The following STK40 variants were observed in gnomAD, a reference collection of about 807,000 sequenced individuals.
STK40 encodes serine/threonine-protein kinase 40.
Under a neutral mutation model 47.9 loss-of-function variants are expected in STK40, and 13 were observed. That is an observed-to-expected ratio of 0.27 (90% CI 0.18 to 0.43). STK40 has a LOEUF of 0.43. STK40 is among the 20% of genes least tolerant of loss of function. The pLI, the probability that STK40 is intolerant of heterozygous loss-of-function variation, is 1.00. For synonymous variants in STK40, 225 were observed against 243.2 expected (o/e 0.93, Z 0.69); for missense variants, 460 against 595.1 (o/e 0.77, Z 2.36).
intron 7 of STK40, among the ~76,000 whole-genome samples, 185 bp downstream of exon 7, chr1:36,348,515 G>A (rs1441298685): frequency 6.6e-6 from 1 of 152,214 alleles, no homozygotes; most frequent in Non-Finnish European, 1.5e-5. Flanking sequence ...ATGCATTCAT[G>A]TTATCATTAC....
In STK40 at chr1:36,366,368, T is replaced by C. The variant is rs561818091; in HGVS notation, c.-8-5028A>G. Among the ~76,000 whole-genome samples the C allele has an allele frequency of 4.3e-4, 66 of 152,248 alleles. 1 individual carries two copies. In the South Asian group the frequency reaches 0.013, roughly 30 times the overall value. ...CGCGCAGGGAGATGAAAAAGATGCT[T>C]GTGGGGGAAGAGGGAGCAAGGCTGC... On this transcript the variant is annotated intron_variant, in intron 1 of 10. Transcript: ENST00000373132.
chr1:36,384,709 A>G (rs1229828193), intron 1 of STK40, among the ~76,000 whole-genome samples: 1 of 152,220 alleles, frequency 6.6e-6, no homozygotes, highest in Admixed American at 6.5e-5. Context: ...TGAATGAATG[A>G]ATGAATGAGG....
intron 1 of STK40, among the ~76,000 whole-genome samples, chr1:36,376,730 A>G (rs888181374): frequency 1.3e-5 from 2 of 152,230 alleles, no homozygotes; most frequent in Non-Finnish European, 2.9e-5. Flanking sequence ...GAATATATGT[A>G]CAACATAATC....
chr1:36,385,570 C>A (rs1570474563), intron 1 of STK40, among the ~76,000 whole-genome samples, 153 bp downstream of exon 1: 1 of 152,242 alleles, frequency 6.6e-6, no homozygotes, highest in African/African-American at 2.4e-5. Context: ...AGGGCAGAGC[C>A]CCAGCGGAGG....
chr1:36,358,502 C>G, intron 3 of STK40, 120 bp from the exon 4 acceptor site: 2 of 1,359,130 alleles, frequency 1.5e-6, no homozygotes, highest in Non-Finnish European at 2.0e-6. Context: ...AATGCACACA[C>G]AAACACACCA....
intron 9 of STK40, 119 bp from the exon 10 acceptor site, chr1:36,343,567 G>A (rs1292679825): frequency 9.4e-7 from 1 of 1,069,282 alleles, no homozygotes. Context: ...GCTTCTCTGA[G>A]CCTCAGTTTT....
intron 1 of STK40, among the ~76,000 whole-genome samples, chr1:36,365,390 C>A (rs187274898): frequency 6.6e-6 from 1 of 152,196 alleles, no homozygotes; most frequent in East Asian, 1.9e-4. Context: ...CTACCAGGCT[C>A]CCAATTTGTT....
chr1:36,349,106 C>T (rs1646729381), intron 6 of STK40, among the ~76,000 whole-genome samples: 1 of 152,244 alleles, frequency 6.6e-6, no homozygotes, highest in South Asian at 2.1e-4. Context: ...CGGGCTGAAT[C>T]TCGGGGTACA....
At chr1:36,379,965 A>C (rs1247972963) in intron 1 of STK40, among the ~76,000 whole-genome samples, 15 of 152,218 alleles carry the variant, frequency 9.9e-5, no homozygotes, top group Admixed American at 9.8e-4. Flanking sequence ...TGCAGAAAAT[A>C]ACCCAAGTGT....
chr1:36,354,245 G>T (rs1344973597), intron 6 of STK40, 119 bp downstream of exon 6: 4 of 1,063,698 alleles, frequency 3.8e-6, no homozygotes, highest in Admixed American at 3.7e-5. Context: ...ATTCCTGGAG[G>T]AAGTGGGTTG....
chr1:36,340,919 A>G lies in STK40; in HGVS notation c.*836T>C. 6.6e-6 allele frequency: 1 copy of G among 152,300 alleles called. No individual in the cohort carries two copies. The highest frequency in any genetic ancestry group is 1.9e-4 in the East Asian group (1 of 5,178). 9.4% of individuals were successfully genotyped at this position (152,300 alleles called of 1,614,324 possible). ...AGCTCAGTACCACGGGGAAGGATAG[A>G]GAAGGGAACAGGTTAACGCGCGTGT... is the stretch of plus-strand genomic sequence containing the variant. On this transcript the variant is annotated 3_prime_UTR_variant, in exon 11 of 11. Coordinates refer to ENST00000373132, the MANE Select transcript of STK40 (RefSeq NM_001282547.2).
intron 6 of STK40, among the ~76,000 whole-genome samples, chr1:36,350,941 C>T (rs974240291): frequency 3.3e-5 from 5 of 152,162 alleles, no homozygotes; most frequent in African/African-American, 7.2e-5. Flanking sequence ...CACTCCCCTG[C>T]CCTGCCACCA....
At chr1:36,350,293 G>A (rs1224658567) in intron 6 of STK40, among the ~76,000 whole-genome samples, 1 of 152,190 alleles carries the variant, frequency 6.6e-6, no homozygotes, top group African/African-American at 2.4e-5. Flanking sequence ...CAGTGCCGCT[G>A]CCCTGAATAT....
At chr1:36,367,740 A>G in intron 1 of STK40, 1 of 892,556 alleles carries the variant, frequency 1.1e-6, no homozygotes, top group Non-Finnish European at 1.3e-6. Context: ...ATGTCTACCC[A>G]ACTACAAAGG....
At chr1:36,344,294 C>T (rs571133031) in intron 7 of STK40, 30 bp from the exon 8 acceptor site, 51 of 1,549,232 alleles carry the variant, frequency 3.3e-5, no homozygotes, top group East Asian at 3.0e-4. Flanking sequence ...ACACTGTCTT[C>T]AGGCCACAGC....
rs1177980584 is a variant in STK40 at position 36,356,426 on chromosome 1, T to TC, written c.343-994_343-993insG. 6.6e-3 allele frequency among the ~76,000 whole-genome samples: 944 copies of TC among 142,022 alleles called. 15 individuals are homozygous for TC. Among genetic ancestry groups the TC allele is most frequent in the African/African-American group, 0.024 (902 of 38,010 alleles). 93.2% of individuals were successfully genotyped at this position (142,022 alleles called of 152,430 possible). A position where few individuals can be genotyped will look rare whatever the true frequency, so the allele number is the denominator to read the frequency against. ...CCACATTTCTTCTTTTTCTTTTTTTTTTTTTTTTTTTTTTTGTGAGACGGA... is the reference window on the plus strand; with the variant it reads ...CCACATTTCTTCTTTTTCTTTTTTTTCTTTTTTTTTTTTTTTGTGAGACGGA... On this transcript the variant is annotated intron_variant, in intron 4 of 10. Transcript: ENST00000373132.
Position 36,348,663 on chromosome 1 carries a change from T to C in STK40, c.739+37A>G, listed in dbSNP as rs777294502. 3.9e-6 allele frequency: 6 copies of C among 1,553,116 alleles called. No individual in the cohort carries two copies. The South Asian group carries it at 7.0e-5, about 18-fold the overall frequency. On this transcript the variant is annotated intron_variant, in intron 7 of 10. Coordinates refer to ENST00000373132, the MANE Select transcript of STK40 (RefSeq NM_001282547.2). ...GGACTGTCACAGAGCCTGGCTGTAT[T>C]GAGCTTAGAGGCCCAATGTCTGGCA...
At chr1:36,353,498 G>A (rs1286372092) in intron 6 of STK40, among the ~76,000 whole-genome samples, 1 of 152,206 alleles carries the variant, frequency 6.6e-6, no homozygotes, top group African/African-American at 2.4e-5. Context: ...CCCAACAAGG[G>A]TGGGCCGCCA....
chr1:36,374,302 C>G (rs1646973981), intron 1 of STK40, among the ~76,000 whole-genome samples: 1 of 152,234 alleles, frequency 6.6e-6, no homozygotes, highest in Non-Finnish European at 1.5e-5. Context: ...AAGCTAAAGG[C>G]CCCTGGCCAA....
Sources: allele counts gnomAD v4.1 joint callset (sites outside exome capture counted in the v4.1 genomes callset), GRCh38; gene constraint gnomAD v4.1.1; transcripts MANE v1.5; gene names NCBI Gene and HGNC (gene_info 2026-07-23, HGNC 2026-07-21).